DZIP1: variants seen among roughly 807,000 people sequenced by gnomAD.
The protein encoded by DZIP1 is DAZ interacting zinc finger protein 1.
Under a neutral mutation model 107.6 loss-of-function variants are expected in DZIP1, and 97 were observed. The ratio of observed to expected loss-of-function variants is 0.90; its 90% CI spans 0.77 to 1.07. DZIP1 has a LOEUF of 1.07. Among genes scored for constraint, DZIP1 ranks in the 50% least tolerant of loss-of-function variants. DZIP1 has a pLI of 0.00. For synonymous variants in DZIP1, 390 were observed against 386.4 expected (o/e 1.01, Z -0.11); for missense variants, 1,035 against 1,063.6 (o/e 0.97, Z 0.37).
chr13:95,612,874 C>T (rs547172969), intron 10 of DZIP1, among the ~76,000 whole-genome samples: 47 of 152,168 alleles, frequency 3.1e-4, no homozygotes, highest in African/African-American at 1.0e-3. Flanking sequence ...TATGAGCCAC[C>T]GTGCCCAGCC....
At chr13:95,597,411 G>C (rs978555836) in intron 15 of DZIP1, among the ~76,000 whole-genome samples, 1 of 152,232 alleles carries the variant, frequency 6.6e-6, no homozygotes, top group Non-Finnish European at 1.5e-5. Context: ...ATGTAGGAGA[G>C]CGGAAGCATG....
At chr13:95,624,387 G>A (rs1876281278) in intron 8 of DZIP1, among the ~76,000 whole-genome samples, 1 of 152,188 alleles carries the variant, frequency 6.6e-6, no homozygotes, top group Admixed American at 6.5e-5. Context: ...GTTGAGGAGG[G>A]AGCCTGGCAA....
chr13:95,598,186 T>C (rs2044512410), intron 15 of DZIP1, among the ~76,000 whole-genome samples: 1 of 152,130 alleles, frequency 6.6e-6, no homozygotes, highest in African/African-American at 2.4e-5. Context: ...GGAACAGCAA[T>C]TACAAAGAAA....
chr13:95,630,522 G>A (rs12868965), intron 6 of DZIP1, among the ~76,000 whole-genome samples: 12 of 151,988 alleles, frequency 7.9e-5, no homozygotes, highest in Non-Finnish European at 1.3e-4. Flanking sequence ...AAATCTCTGT[G>A]GTCACCATCC....
At chr13:95,588,904 G>A (rs2044236127) in intron 19 of DZIP1, among the ~76,000 whole-genome samples, 1 of 152,174 alleles carries the variant, frequency 6.6e-6, no homozygotes, top group Non-Finnish European at 1.5e-5. Context: ...GTAGGGGGAT[G>A]GACATAAGAA....
In DZIP1 at chr13:95,643,910, C is replaced by A. The variant is rs763833883; in HGVS notation, c.-525-212G>T. On this transcript the variant is annotated intron_variant, in intron 1 of 22. Coordinates refer to ENST00000376829, the MANE Select transcript of DZIP1 (RefSeq NM_198968.4). ...CTGAACGTGGGGGTGGCCCGCGCGC[C>A]CCCGCTGAGATCTGGGCGCAGAGGC... Among the ~76,000 whole-genome samples, 14 of 152,266 alleles carry A rather than the reference C, an allele frequency of 9.2e-5. No homozygotes were observed. In the South Asian group the frequency reaches 1.0e-3, roughly 11 times the overall value.
At chr13:95,606,150 G>T in intron 13 of DZIP1, 91 bp from the exon 14 acceptor site, 7 of 1,177,538 alleles carry the variant, frequency 5.9e-6, no homozygotes, top group Non-Finnish European at 8.8e-6. Flanking sequence ...CCGCAAACTA[G>T]TCAAGATACA....
Position 95,641,776 on chromosome 13 carries a change from C to G in DZIP1, c.116G>C (p.Gly39Ala), listed in dbSNP as rs1216792177. The G allele has an allele frequency of 1.3e-6, 2 of 1,543,158 alleles. No individual in the cohort carries two copies. Among genetic ancestry groups the G allele is most frequent in the East Asian group, 4.6e-5 (2 of 43,190 alleles). ...PDVAVAAAAAGAASMACAPPS... is the reference protein window; with the variant it reads ...PDVAVAAAAAAAASMACAPPS... ...GGGCGCACAGGCCATGGAGGCCGCA[C>G]CCGCGGCGGCGGCGGCCACAGCGAC... Residue 39 changes from glycine to alanine, a missense_variant, in exon 5 of 23, where the codon GGT becomes GCT. By Grantham distance (60) the Gly-to-Ala change is moderately conservative. Coordinates refer to ENST00000376829, the MANE Select transcript of DZIP1 (RefSeq NM_198968.4). This position sits in a 1 kb window ranked among gnomAD's most constrained non-coding sequence, Gnocchi z 4.3.
At chr13:95,585,032 A>G (rs372438266) in intron 21 of DZIP1, 122 bp from the exon 22 acceptor site, 2 of 665,780 alleles carry the variant, frequency 3.0e-6, no homozygotes, top group East Asian at 5.6e-5. Context: ...GGGAACTATT[A>G]ATACTTCCAA....
At chr13:95,630,363 T>A (rs997790069) in intron 6 of DZIP1, among the ~76,000 whole-genome samples, 1 of 152,126 alleles carries the variant, frequency 6.6e-6, no homozygotes, top group Non-Finnish European at 1.5e-5. Context: ...CCTACATAGA[T>A]ACATGAGAGC....
chr13:95,586,674 C>G (rs1361037782), intron 20 of DZIP1, among the ~76,000 whole-genome samples: 1 of 150,718 alleles, frequency 6.6e-6, no homozygotes, highest in Non-Finnish European at 1.5e-5. Flanking sequence ...AGTATATACC[C>G]ATTATATACA....
At chr13:95,644,114 C>T (rs1878840509) in intron 1 of DZIP1, among the ~76,000 whole-genome samples, 1 of 152,194 alleles carries the variant, frequency 6.6e-6, no homozygotes, top group Non-Finnish European at 1.5e-5. Context: ...CCCAGCCTTG[C>T]GCGGCGCCTC....
intron 11 of DZIP1, 95 bp from the exon 12 acceptor site, chr13:95,611,588 CT>C: frequency 9.4e-7 from 1 of 1,063,422 alleles, no homozygotes; most frequent in East Asian, 2.4e-5. Context: ...GTAAATTAAC[CT>C]TTTCACTAAA....
chr13:95,630,816 G>T, intron 6 of DZIP1: 1 of 1,101,610 alleles, frequency 9.1e-7, no homozygotes, highest in Non-Finnish European at 1.2e-6. Flanking sequence ...AAGATGACCT[G>T]AAGAAATAAT....
Position 95,586,082 on chromosome 13 carries a change from T to C in DZIP1, c.2273A>G (p.Lys758Arg), listed in dbSNP as rs772039347. 3.7e-6 allele frequency: 6 copies of C among 1,612,234 alleles called. No individual in the cohort carries two copies. The Admixed American group carries it at 1.0e-4, about 27-fold the overall frequency. Residue 758 changes from lysine to arginine, a missense_variant, in exon 21 of 23, where the codon AAA (lysine) becomes AGA (arginine). Transcript: ENST00000376829. ...TCCACCGACTGGTTTGTTCACATTT[T>C]TGCGATGTGGAAACATCTTTTCAAC... ...EKVEKMFPHR[K>R]NVNKPVGGTN... is the part of the protein sequence containing the mutation.
At chr13:95,593,094 A>G (rs2044355717) in intron 16 of DZIP1, among the ~76,000 whole-genome samples, 1 of 152,238 alleles carries the variant, frequency 6.6e-6, no homozygotes, top group Non-Finnish European at 1.5e-5. Context: ...AGATAAAATT[A>G]TGCAAACATG....
At chr13:95,622,219 C>G (rs1224399560) in intron 9 of DZIP1, 124 bp downstream of exon 9, 1 of 1,226,134 alleles carries the variant, frequency 8.2e-7, no homozygotes, top group African/African-American at 1.5e-5. Context: ...AGAAAAATAA[C>G]AGCTAGTCAC....
intron 9 of DZIP1, among the ~76,000 whole-genome samples, chr13:95,622,113 G>A (rs983042509): frequency 2.0e-5 from 3 of 152,170 alleles, no homozygotes; most frequent in African/African-American, 4.8e-5. Flanking sequence ...ACTTTATGGA[G>A]AGAAGAAACA....
intron 5 of DZIP1, among the ~76,000 whole-genome samples, chr13:95,640,156 C>T (rs1174500533): frequency 1.3e-5 from 2 of 152,160 alleles, no homozygotes; most frequent in East Asian, 1.9e-4. Flanking sequence ...CCAAGCCCAG[C>T]GAATTTTGGT....
Sources: allele counts gnomAD v4.1 joint callset (sites outside exome capture counted in the v4.1 genomes callset), GRCh38; gene constraint gnomAD v4.1.1; non-coding constraint Gnocchi (gnomAD v3.1); transcripts MANE v1.5; gene names NCBI Gene and HGNC (gene_info 2026-07-23, HGNC 2026-07-21).